ZNF586: variants seen among roughly 807,000 people sequenced by gnomAD.
ZNF586 encodes the protein zinc finger protein 586.
A neutral mutation model predicts 6.7 loss-of-function variants in ZNF586; 7 were observed. The ratio of observed to expected loss-of-function variants is 1.04; its 90% CI spans 0.59 to 1.95. ZNF586 has a LOEUF of 1.95. ZNF586 is among the 30% of genes most tolerant of loss of function. The pLI is 0.00. For synonymous variants in ZNF586, 166 were observed against 168.7 expected (o/e 0.98, Z 0.12); for missense variants, 442 against 489.6 (o/e 0.90, Z 0.92).
At chr19:57,771,432 C>T (rs1015454581) in intron 1 of ZNF586, among the ~76,000 whole-genome samples, 1 of 152,034 alleles carries the variant, frequency 6.6e-6, no homozygotes, top group Admixed American at 6.6e-5. Flanking sequence ...CAGGAACTAC[C>T]GCACCTCCTA....
chr19:57,773,399 CTTCTTTTTTTTT>C (rs1231726520), intron 1 of ZNF586, among the ~76,000 whole-genome samples: 1 of 119,112 alleles, frequency 8.4e-6, no homozygotes, highest in Non-Finnish European at 1.7e-5. Context: ...GTTTCTTCTT[CTTCTTTTTTTTT>C]TTTTTTTTTT....
In ZNF586 at chr19:57,774,329, C is replaced by T. The variant is rs191420939; in HGVS notation, c.37-2214C>T. 7.9e-3 allele frequency among the ~76,000 whole-genome samples: 1,194 copies of T among 151,426 alleles called. 11 individuals carry two copies. Among genetic ancestry groups the T allele is most frequent in the African/African-American group, 0.027 (1,132 of 41,254 alleles). ...CTTGAGGTCGGGAGTTGGAGACCAG[C>T]CTGACCAACATGGAGAAACCCCGTC... On this transcript the variant is annotated intron_variant, in intron 1 of 2. Transcript: ENST00000396154.
intron 1 of ZNF586, among the ~76,000 whole-genome samples, chr19:57,774,611 A>T (rs1433092610): frequency 6.6e-6 from 1 of 152,032 alleles, no homozygotes; most frequent in Non-Finnish European, 1.5e-5. Context: ...TGCAGCACAG[A>T]AGTGGAATAG....
At chr19:57,771,117 C>T (rs112307466) in intron 1 of ZNF586, among the ~76,000 whole-genome samples, 3 of 151,800 alleles carry the variant, frequency 2.0e-5, no homozygotes, top group African/African-American at 7.3e-5. Context: ...CTGGCTAACA[C>T]GGTGAAATCC....
intron 1 of ZNF586, among the ~76,000 whole-genome samples, chr19:57,770,957 G>A (rs939681807): frequency 6.6e-6 from 1 of 152,046 alleles, no homozygotes; most frequent in African/African-American, 2.4e-5. Flanking sequence ...GCTCAGGAGA[G>A]CCTCTCATCT....
In ZNF586 at chr19:57,779,878, T is replaced by C; in HGVS notation, c.*82T>C. On this transcript the variant is annotated 3_prime_UTR_variant, in exon 3 of 3. Transcript: ENST00000396154. ...TCACACCAGATCAAGGTGTTATGAGTGTGACAAATGGGGAATATTCTTTAG... is the reference window on the plus strand; with the variant it reads ...TCACACCAGATCAAGGTGTTATGAGCGTGACAAATGGGGAATATTCTTTAG... The C allele has an allele frequency of 1.7e-6, 2 of 1,178,566 alleles. No homozygotes were observed. Among genetic ancestry groups the C allele is most frequent in the South Asian group, 1.5e-5 (1 of 66,398 alleles). 73.0% of individuals were successfully genotyped at this position (1,178,566 alleles called of 1,614,324 possible).
chr19:57,779,638 G>A lies in ZNF586; in HGVS notation c.1051G>A (p.Gly351Arg). 6.2e-7 allele frequency: 1 copy of A among 1,613,658 alleles called. No individual in the cohort carries two copies. Among genetic ancestry groups the A allele is most frequent in the Non-Finnish European group, 8.5e-7 (1 of 1,179,722 alleles). Reference protein sequence around the residue: ...GERPYECSDCGKSFAENSSLI... With the variant: ...GERPYECSDCRKSFAENSSLI... Reference sequence around the variant, plus strand: ...AAGGCCTTATGAGTGCAGTGACTGTGGGAAATCCTTTGCTGAAAACTCCAG... The same window carrying A: ...AAGGCCTTATGAGTGCAGTGACTGTAGGAAATCCTTTGCTGAAAACTCCAG... Residue 351 changes from glycine (G) to arginine (R), a missense_variant, in exon 3 of 3, where the codon GGG becomes AGG. By Grantham distance (125) the Gly-to-Arg change is moderately radical (BLOSUM62 -2). Coordinates refer to ENST00000396154, the MANE Select transcript of ZNF586 (RefSeq NM_017652.4).
chr19:57,776,196 G>A (rs973864193), intron 1 of ZNF586, among the ~76,000 whole-genome samples: 2 of 152,178 alleles, frequency 1.3e-5, no homozygotes, highest in African/African-American at 4.8e-5. Context: ...AAGATGGGAA[G>A]GATGTGTACG....
At chr19:57,772,130 C>T (rs1987111465) in intron 1 of ZNF586, among the ~76,000 whole-genome samples, 1 of 152,246 alleles carries the variant, frequency 6.6e-6, no homozygotes, top group Non-Finnish European at 1.5e-5. Flanking sequence ...CCTGGCAACT[C>T]AATTTTTAAA....
chr19:57,770,559 G>A (rs1413013617), intron 1 of ZNF586, among the ~76,000 whole-genome samples: 1 of 152,320 alleles, frequency 6.6e-6, no homozygotes, highest in Non-Finnish European at 1.5e-5. Context: ...TTCGAAGGAA[G>A]AACAGAGTTG....
At chr19:57,778,716 C>G in intron 2 of ZNF586, 35 bp from the exon 3 acceptor site, 1 of 1,556,126 alleles carries the variant, frequency 6.4e-7, no homozygotes, top group Non-Finnish European at 8.7e-7. Flanking sequence ...TCAACAAAGT[C>G]AACATGTACC....
chr19:57,773,255 A>G (rs1987139006), intron 1 of ZNF586, among the ~76,000 whole-genome samples: 2 of 152,118 alleles, frequency 1.3e-5, no homozygotes, highest in African/African-American at 4.8e-5. Context: ...GGAAGGCACA[A>G]CCTTCAGATT....
chr19:57,769,791 A>C lies in ZNF586; in HGVS notation c.-52A>C. 1 of 1,537,646 alleles carries C rather than the reference A, an allele frequency of 6.5e-7. No individual in the cohort carries two copies. Among genetic ancestry groups the C allele is most frequent in the Non-Finnish European group, 8.8e-7 (1 of 1,140,176 alleles). ...GACGCCGCTGGTCGCGACCCGGGAC[A>C]GGACAACGACAGGAACACCGCCGAG... is the stretch of plus-strand genomic sequence containing the variant. On this transcript the variant is annotated 5_prime_UTR_variant, in exon 1 of 3. Transcript: ENST00000396154.
rs1384760075 is a variant in ZNF586, at chr19:57,779,044, A to G, written c.457A>G (p.Ser153Gly). ...FHTGQKTYECSECGKSFHQSS... is the reference protein window; with the variant it reads ...FHTGQKTYECGECGKSFHQSS... Reference sequence around the variant, plus strand: ...TACTGGGCAAAAGACCTATGAGTGCAGTGAGTGTGGAAAATCATTTCACCA... The same window carrying G: ...TACTGGGCAAAAGACCTATGAGTGCGGTGAGTGTGGAAAATCATTTCACCA... The change falls in exon 3 of 3, where the codon AGT (serine) becomes GGT (glycine). Residue 153 changes from serine (S) to glycine (G), a missense_variant. Ser to Gly is a moderately conservative substitution (Grantham distance 56, BLOSUM62 0). Transcript: ENST00000396154. 2 of 1,614,168 alleles carry G rather than the reference A, an allele frequency of 1.2e-6. No individual in the cohort carries two copies. Among genetic ancestry groups the G allele is most frequent in the Non-Finnish European group, 1.7e-6 (2 of 1,180,038 alleles).
chr19:57,770,009 G>T (rs1256946651), intron 1 of ZNF586, 131 bp downstream of exon 1: 13 of 865,790 alleles, frequency 1.5e-5, no homozygotes, highest in Non-Finnish European at 1.9e-5. Flanking sequence ...CCGGCGGGTG[G>T]GATCCCTGTT....
chr19:57,774,566 AT>A (rs1252118987), intron 1 of ZNF586, among the ~76,000 whole-genome samples: 4 of 148,686 alleles, frequency 2.7e-5, no homozygotes, highest in African/African-American at 7.4e-5. Flanking sequence ...AAATAAATAA[AT>A]AAATAAAAAG....
chr19:57,778,714 G>C, intron 2 of ZNF586, 37 bp from the exon 3 acceptor site: 8 of 1,553,892 alleles, frequency 5.1e-6, no homozygotes, highest in Non-Finnish European at 6.1e-6. Context: ...ACTCAACAAA[G>C]TCAACATGTA....
At chr19:57,774,559 T>TA (rs2122557879) in intron 1 of ZNF586, among the ~76,000 whole-genome samples, 1 of 135,152 alleles carries the variant, frequency 7.4e-6, no homozygotes, top group South Asian at 2.1e-4. Context: ...AATAAATAAA[T>TA]AAATAAATAA....
chr19:57,774,803 C>T, intron 1 of ZNF586: 2 of 977,842 alleles, frequency 2.0e-6, no homozygotes, highest in Non-Finnish European at 2.4e-6. Context: ...ATGGTGTAAG[C>T]CCTAAAGTTA....
Sources: allele counts gnomAD v4.1 joint callset (sites outside exome capture counted in the v4.1 genomes callset), GRCh38; gene constraint gnomAD v4.1.1; transcripts MANE v1.5; gene names NCBI Gene and HGNC (gene_info 2026-07-23, HGNC 2026-07-21).